SAP130: variants seen among roughly 807,000 people sequenced by gnomAD.
SAP130 encodes histone deacetylase complex subunit SAP130.
A neutral mutation model predicts 103.2 loss-of-function variants in SAP130; 16 were observed. That is an observed-to-expected ratio of 0.16 (90% CI 0.10 to 0.24). SAP130 has a LOEUF of 0.24. Among genes scored for constraint, SAP130 ranks in the 10% least tolerant of loss-of-function variants. SAP130 has a pLI of 1.00. For missense variants in SAP130, 990 were observed against 1,359.7 expected, an observed-to-expected ratio of 0.73 and a Z score of 4.28; for synonymous variants, 477 against 497.0, an observed-to-expected ratio of 0.96 and a Z score of 0.53.
In SAP130 at chr2:127,955,766, G is replaced by A. The variant is rs1423846621; in HGVS notation, c.2064-422C>T. 1.3e-5 allele frequency among the ~76,000 whole-genome samples: 2 copies of A among 152,166 alleles called. No individual in the cohort carries two copies. The highest frequency in any genetic ancestry group is 3.8e-4 in the East Asian group (2 of 5,196). ...GCCTCCCAAAGTGATGGGATTACAG[G>A]TGTGAGCCACCACACCCAGCTCTAA... On this transcript the variant is annotated intron_variant, in intron 15 of 20. Transcript: ENST00000643581. The surrounding 1 kb of genome is among the most constrained non-coding windows in gnomAD (Gnocchi z 4.9).
At chr2:127,960,330 G>T (rs1680149379) in intron 15 of SAP130, among the ~76,000 whole-genome samples, 1 of 152,134 alleles carries the variant, frequency 6.6e-6, no homozygotes, top group Non-Finnish European at 1.5e-5. Flanking sequence ...AACAACAGCT[G>T]GGCACCGAGT....
chr2:127,993,330 G>C (rs762330618), intron 11 of SAP130, 22 bp from the exon 12 acceptor site: 1 of 1,585,850 alleles, frequency 6.3e-7, no homozygotes, highest in Non-Finnish European at 8.6e-7. Context: ...ACAGATGATA[G>C]CAAACAAAAT....
At chr2:127,945,424 G>GC in intron 19 of SAP130, 32 bp downstream of exon 19, 1 of 1,308,964 alleles carries the variant, frequency 7.6e-7, no homozygotes, top group Non-Finnish European at 1.1e-6. Context: ...CCTCTCTTCA[G>GC]CATGATGAAC....
At chr2:127,966,650 C>G (rs887360533) in intron 15 of SAP130, among the ~76,000 whole-genome samples, 2 of 152,118 alleles carry the variant, frequency 1.3e-5, no homozygotes, top group African/African-American at 4.8e-5. Context: ...CGGCAGTGAG[C>G]TGAGACTGCG....
intron 14 of SAP130, among the ~76,000 whole-genome samples, chr2:127,981,742 C>A (rs58636225): frequency 8.4e-6 from 1 of 118,882 alleles, no homozygotes; most frequent in Admixed American, 8.7e-5. Context: ...TCCCTCACCC[C>A]GACGCAGTCC....
At chr2:127,944,960 G>C (rs1173361430) in intron 19 of SAP130, among the ~76,000 whole-genome samples, 2 of 150,424 alleles carry the variant, frequency 1.3e-5, no homozygotes, top group African/African-American at 4.9e-5. Flanking sequence ...CCCGGTCTCT[G>C]AATGATGATG....
intron 2 of SAP130, among the ~76,000 whole-genome samples, chr2:128,023,704 G>A (rs1184274651): frequency 6.6e-6 from 1 of 152,130 alleles, no homozygotes; most frequent in Non-Finnish European, 1.5e-5. Flanking sequence ...GTGAACCTGG[G>A]AGGCAGAGCT....
At chr2:127,976,733 A>T (rs1187159859) in intron 15 of SAP130, among the ~76,000 whole-genome samples, 2 of 152,142 alleles carry the variant, frequency 1.3e-5, no homozygotes, top group African/African-American at 4.8e-5. Context: ...AACATGGTGA[A>T]ACTCCGTCTC....
In SAP130 at chr2:127,986,822, G is replaced by A; in HGVS notation, c.1921C>T (p.Arg641Trp). ...GGTTTCTTCCGGAGTATGCTTGGCCGTGGCGATGAGCCCTGGGCGGGAGCG... is the reference window on the plus strand; with the variant it reads ...GGTTTCTTCCGGAGTATGCTTGGCCATGGCGATGAGCCCTGGGCGGGAGCG... ...TNAPAQGSSP[R>W]PSILRKKPAT... Residue 641 changes from arginine to tryptophan, a missense_variant, in exon 14 of 21, where the codon CGG (arginine) becomes TGG (tryptophan). This residue lies in a region of SAP130 where 349 missense variants were observed against 384.1 expected (regional missense o/e 0.91). Coordinates refer to ENST00000643581, the MANE Select transcript of SAP130 (RefSeq NM_001330301.2). This position sits in a 1 kb window ranked among gnomAD's most constrained non-coding sequence, Gnocchi z 4.7. 1 of 1,614,166 alleles carries A rather than the reference G, an allele frequency of 6.2e-7. No individual in the cohort carries two copies. Among genetic ancestry groups the A allele is most frequent in the South Asian group, 1.1e-5 (1 of 91,084 alleles).
At chr2:127,949,488 G>GC (rs978196227) in intron 18 of SAP130, among the ~76,000 whole-genome samples, 2 of 152,160 alleles carry the variant, frequency 1.3e-5, no homozygotes, top group African/African-American at 4.8e-5. Flanking sequence ...CGTATTTTTA[G>GC]CATCTTAGGA....
At chr2:128,024,319 A>G (rs1573867630) in intron 2 of SAP130, among the ~76,000 whole-genome samples, 1 of 147,870 alleles carries the variant, frequency 6.8e-6, no homozygotes, top group Non-Finnish European at 1.5e-5. Context: ...TCTCCATTGG[A>G]AAAAAAAAAA....
At chr2:127,954,134 T>C (rs1332178788) in intron 16 of SAP130, among the ~76,000 whole-genome samples, 3 of 152,146 alleles carry the variant, frequency 2.0e-5, no homozygotes, top group Non-Finnish European at 4.4e-5. Context: ...TTTTCCCTTC[T>C]GGATTACTCA....
At chr2:127,959,541 ACAAGGCAATGCCCCCT>A in intron 15 of SAP130, among the ~76,000 whole-genome samples, 1 of 152,350 alleles carries the variant, frequency 6.6e-6, no homozygotes, top group African/African-American at 2.4e-5. Context: ...CCTGGCAGTA[ACAAGGCAATGCCCCCT>A]CTTCCCTGCT....
intron 10 of SAP130, among the ~76,000 whole-genome samples, chr2:127,997,983 A>G (rs558628006): frequency 5.9e-5 from 9 of 151,950 alleles, no homozygotes; most frequent in Non-Finnish European, 1.3e-4. Context: ...GCGTGGTGGT[A>G]TGTGCCTGTG....
chr2:127,958,072 T>C (rs970934145), intron 15 of SAP130, among the ~76,000 whole-genome samples: 4 of 152,206 alleles, frequency 2.6e-5, no homozygotes, highest in Admixed American at 6.5e-5. Context: ...GGCACATGTA[T>C]ACCTATGTAA....
At chr2:127,981,334 C>T (rs1573728793) in intron 14 of SAP130, among the ~76,000 whole-genome samples, 1 of 146,196 alleles carries the variant, frequency 6.8e-6, no homozygotes, top group Non-Finnish European at 1.5e-5. Flanking sequence ...GCTCCCCCAC[C>T]CCAACCCAGT....
Position 127,996,540 on chromosome 2 carries a change from G to C in SAP130, c.1214-49C>G. On this transcript the variant is annotated intron_variant, in intron 10 of 20. Transcript: ENST00000643581. This position sits in a 1 kb window ranked among gnomAD's most constrained non-coding sequence, Gnocchi z 4.3. ...CATGACCATTCTACACTTTTTTTTG[G>C]CATGCCAAAACATTCTTGGCTAGCA... is the stretch of plus-strand genomic sequence containing the variant. 7.1e-7 allele frequency: 1 copy of C among 1,406,872 alleles called. No homozygotes were observed. The highest frequency in any genetic ancestry group is 9.4e-7 in the Non-Finnish European group (1 of 1,066,266). 87.1% of individuals were successfully genotyped at this position (1,406,872 alleles called of 1,614,324 possible).
At chr2:127,966,584 TC>T (rs746268070) in intron 15 of SAP130, among the ~76,000 whole-genome samples, 93 of 152,072 alleles carry the variant, frequency 6.1e-4, no homozygotes, top group Non-Finnish European at 1.1e-3. Context: ...ATGCTTGTAA[TC>T]CCAGCTACTC....
chr2:127,941,941 A>AACCACC lies in SAP130; in HGVS notation c.*64_*65insGGTGGT. Reference sequence around the variant, plus strand: ...ATGTTCCACTTTGGAAAAAACCAAAACCCTCCCCCCACCCCCACCATCATT... The same window carrying AACCACC: ...ATGTTCCACTTTGGAAAAAACCAAAAACCACCCCCTCCCCCCACCCCCACCATCATT... On this transcript the variant is annotated 3_prime_UTR_variant, in exon 21 of 21. Transcript: ENST00000643581. 1 of 276,732 alleles carries AACCACC rather than the reference A, an allele frequency of 3.6e-6. No homozygotes were observed. The highest frequency in any genetic ancestry group is 2.7e-5 in the South Asian group (1 of 37,576). 17.1% of individuals were successfully genotyped at this position (276,732 alleles called of 1,614,324 possible). A position where few individuals can be genotyped will look rare whatever the true frequency, so the allele number is the denominator to read the frequency against.
Sources: allele counts gnomAD v4.1 joint callset (sites outside exome capture counted in the v4.1 genomes callset), GRCh38; gene constraint gnomAD v4.1.1; regional missense constraint gnomAD v4.1.1; non-coding constraint Gnocchi (gnomAD v3.1); transcripts MANE v1.5; gene names NCBI Gene and HGNC (gene_info 2026-07-23, HGNC 2026-07-21).